KPNA5: variants seen among roughly 807,000 people sequenced by gnomAD.
KPNA5 encodes karyopherin subunit alpha 5.
In KPNA5, 46 loss-of-function variants were observed where a neutral mutation model predicts 71.3. That is an observed-to-expected ratio of 0.65 (90% CI 0.51 to 0.83). KPNA5 has a LOEUF of 0.83. KPNA5 is among the 40% of genes least tolerant of loss of function. The pLI is 0.00. For missense variants in KPNA5, 547 were observed against 628.3 expected (o/e 0.87, Z 1.38); for synonymous variants, 207 against 201.4 (o/e 1.03, Z -0.24).
At position 116,689,445 on chromosome 6, in the gene KPNA5, G is replaced by C. The variant is rs535089219; in HGVS notation, c.130G>C (p.Glu44Gln). Residue 44 changes from glutamate to glutamine, a missense_variant, in exon 2 of 14, where the codon GAA becomes CAA. By Grantham distance (29) the Glu-to-Gln change is conservative (BLOSUM62 2). Transcript: ENST00000368564. Reference sequence around the variant, plus strand: ...AATACAGCTTAGAAAACAAAAAAGAGAAGAACAGGTAGGTGTTTTTAGCTA... The same window carrying C: ...AATACAGCTTAGAAAACAAAAAAGACAAGAACAGGTAGGTGTTTTTAGCTA... Reference protein sequence around the residue: ...EGIQLRKQKREEQLFKRRNVY... With the variant: ...EGIQLRKQKRQEQLFKRRNVY... The C allele has an allele frequency of 5.7e-6, 9 of 1,578,186 alleles. No homozygotes were observed. In the Admixed American group the frequency reaches 1.8e-4, roughly 31 times the overall value.
In KPNA5 at chr6:116,740,006, T is replaced by C. The variant is rs970148603; in HGVS notation, c.*7683T>C. 6.6e-6 allele frequency: 1 copy of C among 152,058 alleles called. No individual in the cohort carries two copies. Among genetic ancestry groups the C allele is most frequent in the Non-Finnish European group, 1.5e-5 (1 of 68,082 alleles). 9.4% of individuals were successfully genotyped at this position (152,058 alleles called of 1,614,324 possible). ...GCCAAAATTGACAAATGGGATGTAA[T>C]TGAACTAAAGAGCTTCTGCACAGCA... On this transcript the variant is annotated 3_prime_UTR_variant, in exon 14 of 14. Coordinates refer to ENST00000368564, the MANE Select transcript of KPNA5 (RefSeq NM_001366306.2).
rs1160304033 is a variant in KPNA5 at position 116,736,695 on chromosome 6, A to G, written c.*4372A>G. On this transcript the variant is annotated 3_prime_UTR_variant, in exon 14 of 14. Coordinates refer to ENST00000368564, the MANE Select transcript of KPNA5 (RefSeq NM_001366306.2). Reference sequence around the variant, plus strand: ...TTATTTAAACATTTTTTCATTTCCAATTCCGCTTATATTAGTCTGCCTGAA... The same window carrying G: ...TTATTTAAACATTTTTTCATTTCCAGTTCCGCTTATATTAGTCTGCCTGAA... 6.6e-6 allele frequency: 1 copy of G among 151,922 alleles called. No individual in the cohort carries two copies. Among genetic ancestry groups the G allele is most frequent in the Non-Finnish European group, 1.5e-5 (1 of 67,910 alleles). 9.4% of individuals were successfully genotyped at this position (151,922 alleles called of 1,614,324 possible).
intron 12 of KPNA5, among the ~76,000 whole-genome samples, chr6:116,728,643 A>G (rs1779364171): frequency 6.6e-6 from 1 of 152,096 alleles, no homozygotes; most frequent in South Asian, 2.1e-4. Context: ...GAAGGTATAT[A>G]CATCTTTTTT....
In KPNA5 at chr6:116,689,523, A is replaced by T. The variant is rs962521179; in HGVS notation, c.138+70A>T. On this transcript the variant is annotated intron_variant, in intron 2 of 13. Transcript: ENST00000368564. ...TATTTGCTAATTATTGGATAATTTTAAATGGAAATGTTTTAAGAAATTGAA... is the reference window on the plus strand; with the variant it reads ...TATTTGCTAATTATTGGATAATTTTTAATGGAAATGTTTTAAGAAATTGAA... 5.5e-6 allele frequency: 7 copies of T among 1,267,562 alleles called. No homozygotes were observed. In the East Asian group the frequency reaches 1.9e-4, roughly 34 times the overall value. The allele number at this position is 1,267,562 out of a possible 1,614,324, so 78.5% of individuals were successfully genotyped here.
intron 1 of KPNA5, among the ~76,000 whole-genome samples, chr6:116,683,588 AT>A (rs886837768): frequency 2.7e-5 from 4 of 150,534 alleles, no homozygotes; most frequent in Admixed American, 6.6e-5. Flanking sequence ...TTTATTTATT[AT>A]TTTTTTTTGA....
chr6:116,703,263 A>AT lies in KPNA5; in HGVS notation c.567+1129dup, dbSNP rs372587084. On this transcript the variant is annotated intron_variant, in intron 6 of 13. Transcript: ENST00000368564. ...AAATGAGTACCCTGTCAAAAGATAA[A>AT]TTTTTTTTTTTTTTTTGAGATGAAG... 6.2e-3 allele frequency among the ~76,000 whole-genome samples: 888 copies of AT among 142,844 alleles called. 18 individuals are homozygous for AT. Among genetic ancestry groups the AT allele is most frequent in the South Asian group, 0.06 (269 of 4,468 alleles). 93.7% of individuals were successfully genotyped at this position (142,844 alleles called of 152,430 possible). A position where few individuals can be genotyped will look rare whatever the true frequency, so the allele number is the denominator to read the frequency against.
At chr6:116,710,885 ATATATATATTTTTTTTTTTTTTT>A (rs1277863929) in intron 7 of KPNA5, among the ~76,000 whole-genome samples, 1 of 71,048 alleles carries the variant, frequency 1.4e-5, no homozygotes, top group African/African-American at 8.9e-5. Context: ...ATATATATAT[ATATATATATTTTTTTTTTTTTTT>A]TTTTGAGTTG....
At chr6:116,700,918 T>C (rs1415750453) in intron 5 of KPNA5, among the ~76,000 whole-genome samples, 1 of 152,216 alleles carries the variant, frequency 6.6e-6, no homozygotes, top group Non-Finnish European at 1.5e-5. Flanking sequence ...CACTTGCTTA[T>C]CACTCGTTTT....
At chr6:116,725,949 T>C (rs890453707) in intron 11 of KPNA5, 73 bp downstream of exon 11, 10 of 1,505,022 alleles carry the variant, frequency 6.6e-6, no homozygotes, top group East Asian at 2.3e-5. Context: ...TTAACACTTT[T>C]ACTAAAAAAG....
rs1778652680 is a variant in KPNA5, at chr6:116,710,964, G to A, written c.657-5255G>A. On this transcript the variant is annotated intron_variant, in intron 7 of 13. Coordinates refer to ENST00000368564, the MANE Select transcript of KPNA5 (RefSeq NM_001366306.2). ...GGCTGGAGTGTAATGGCATGATCTC[G>A]ACTCACGGCACACTCTGCCTCCCGG... 5.1e-5 allele frequency among the ~76,000 whole-genome samples: 7 copies of A among 138,374 alleles called. No individual in the cohort carries two copies. The South Asian group carries it at 1.4e-3, about 27-fold the overall frequency. 90.8% of individuals were successfully genotyped at this position (138,374 alleles called of 152,430 possible).
intron 13 of KPNA5, among the ~76,000 whole-genome samples, chr6:116,731,439 C>CT (rs1185121505): frequency 1.3e-5 from 2 of 151,978 alleles, no homozygotes; most frequent in East Asian, 1.9e-4. Context: ...TGCTTTGCTG[C>CT]TTTTTTTTCT....
chr6:116,722,326 T>C (rs755404801), intron 9 of KPNA5, 37 bp downstream of exon 9: 4 of 1,490,888 alleles, frequency 2.7e-6, no homozygotes, highest in South Asian at 2.6e-5. Context: ...AATTGTATGA[T>C]TGAGATTAAA....
chr6:116,687,905 A>T (rs751269163), intron 1 of KPNA5, among the ~76,000 whole-genome samples: 1 of 152,134 alleles, frequency 6.6e-6, no homozygotes, highest in Non-Finnish European at 1.5e-5. Flanking sequence ...AATTTGTTTA[A>T]TTCTATTCCT....
intron 7 of KPNA5, among the ~76,000 whole-genome samples, chr6:116,710,268 G>A (rs1049395459): frequency 4.0e-5 from 6 of 151,828 alleles, no homozygotes; most frequent in African/African-American, 1.5e-4. Flanking sequence ...ATTTTGTTGA[G>A]GATTTTTGTA....
chr6:116,722,290 G>T lies in KPNA5; in HGVS notation c.920+1G>T, dbSNP rs1246203044. 6.2e-7 allele frequency: 1 copy of T among 1,602,646 alleles called. No individual in the cohort carries two copies. Among genetic ancestry groups the T allele is most frequent in the Non-Finnish European group, 8.5e-7 (1 of 1,173,828 alleles). On this transcript the variant is annotated splice_donor_variant, in intron 9 of 13. Coordinates refer to ENST00000368564, the MANE Select transcript of KPNA5 (RefSeq NM_001366306.2). LOFTEE classifies it high-confidence loss of function. ...GTCGAAGATTGGTGGAACTTTTGAT[G>T]TAACTATAAATAATTTATGCTTAAT...
chr6:116,708,114 C>T (rs1338167922), intron 7 of KPNA5, among the ~76,000 whole-genome samples: 1 of 152,110 alleles, frequency 6.6e-6, no homozygotes, highest in African/African-American at 2.4e-5. Flanking sequence ...GAATTATATT[C>T]CATTTTATGC....
Position 116,695,373 on chromosome 6 carries a change from T to G in KPNA5, c.340+2981T>G, listed in dbSNP as rs113381064. ...TGCCTATTTGTGTTATTTGACCAAT[T>G]TTATATTGAGTTAATAAGAATTCAT... On this transcript the variant is annotated intron_variant, in intron 4 of 13. Coordinates refer to ENST00000368564, the MANE Select transcript of KPNA5 (RefSeq NM_001366306.2). Among the ~76,000 whole-genome samples the G allele has an allele frequency of 3.1e-3, 467 of 152,338 alleles. 4 individuals carry two copies. The highest frequency in any genetic ancestry group is 0.011 in the African/African-American group (448 of 41,582).
At position 116,737,288 on chromosome 6, in the gene KPNA5, G is replaced by T. The variant is rs1779707957; in HGVS notation, c.*4965G>T. On this transcript the variant is annotated 3_prime_UTR_variant, in exon 14 of 14. Coordinates refer to ENST00000368564, the MANE Select transcript of KPNA5 (RefSeq NM_001366306.2). ...GGCTAGTGGAACTTAAACTGTTCCT[G>T]ATCATTGTGGGCTCCAAAAATTGTT... 6.6e-6 allele frequency: 1 copy of T among 151,986 alleles called. No individual in the cohort carries two copies. The highest frequency in any genetic ancestry group is 2.4e-5 in the African/African-American group (1 of 41,396). 9.4% of individuals were successfully genotyped at this position (151,986 alleles called of 1,614,324 possible). A position where few individuals can be genotyped will look rare whatever the true frequency, so the allele number is the denominator to read the frequency against.
Position 116,732,344 on chromosome 6 carries a change from T to G in KPNA5, c.*21T>G, listed in dbSNP as rs757539980. On this transcript the variant is annotated 3_prime_UTR_variant, in exon 14 of 14. Coordinates refer to ENST00000368564, the MANE Select transcript of KPNA5 (RefSeq NM_001366306.2). ...TTTAACTTACTGGAGGAAAAAAAAT[T>G]TATGGCTAAAAAGGGTAGCTTCAGG... 5 of 1,430,574 alleles carry G rather than the reference T, an allele frequency of 3.5e-6. No homozygotes were observed. In the South Asian group the frequency reaches 4.7e-5, roughly 13 times the overall value. The allele number at this position is 1,430,574 out of a possible 1,614,324, so 88.6% of individuals were successfully genotyped here.
Sources: gnomAD v4.1 joint callset for allele counts (sites outside exome capture counted in the v4.1 genomes callset) on GRCh38, gnomAD v4.1.1 for gene constraint, MANE v1.5 for transcripts, NCBI Gene and HGNC (gene_info 2026-07-23, HGNC 2026-07-21) for gene names.